AK5: variants seen among roughly 807,000 people sequenced by gnomAD.
AK5 encodes the protein adenylate kinase isoenzyme 5.
AK5 carries 27 observed loss-of-function variants against 69.5 expected under a neutral mutation model. The observed-to-expected ratio is 0.39, with a 90% CI of 0.29 to 0.54. The LOEUF is 0.54. Among genes scored for constraint, AK5 ranks in the 20% least tolerant of loss-of-function variants. AK5 has a pLI of 0.71. For synonymous variants in AK5, 260 were observed against 244.4 expected, an observed-to-expected ratio of 1.06 and a Z score of -0.60; for missense variants, 531 against 700.4, an observed-to-expected ratio of 0.76 and a Z score of 2.73.
chr1:77,447,544 C>T (rs1206549603), intron 8 of AK5, among the ~76,000 whole-genome samples: 1 of 150,992 alleles, frequency 6.6e-6, no homozygotes, highest in East Asian at 2.1e-4. Context: ...TCAGTAGAGA[C>T]TGTTTTCTTT....
intron 13 of AK5, among the ~76,000 whole-genome samples, chr1:77,546,056 G>A (rs1036336832): frequency 3.3e-5 from 5 of 152,076 alleles, no homozygotes; most frequent in Non-Finnish European, 7.4e-5. Flanking sequence ...CCAGATTCCC[G>A]CAAAGACGTT....
At chr1:77,440,145 C>T (rs1053417094) in intron 8 of AK5, among the ~76,000 whole-genome samples, 2 of 152,060 alleles carry the variant, frequency 1.3e-5, no homozygotes, top group Non-Finnish European at 2.9e-5. Flanking sequence ...CTCCCTTGAG[C>T]ATTTCTTGTG....
At chr1:77,515,337 G>C (rs1347471410) in intron 10 of AK5, among the ~76,000 whole-genome samples, 1 of 152,186 alleles carries the variant, frequency 6.6e-6, no homozygotes, top group Non-Finnish European at 1.5e-5. Flanking sequence ...AACAACTAAT[G>C]TTGTCCCTTA....
intron 6 of AK5, among the ~76,000 whole-genome samples, chr1:77,348,406 C>T (rs1662018884): frequency 6.6e-6 from 1 of 152,134 alleles, no homozygotes. Context: ...CTACAAAGGA[C>T]ATGAACTCAT....
intron 12 of AK5, among the ~76,000 whole-genome samples, chr1:77,525,668 A>T (rs1360614702): frequency 6.6e-6 from 1 of 152,226 alleles, no homozygotes; most frequent in Non-Finnish European, 1.5e-5. Flanking sequence ...AACTGGCCCC[A>T]CTTCCAACAC....
intron 13 of AK5, among the ~76,000 whole-genome samples, chr1:77,545,230 CCTT>C (rs1659479441): frequency 1.3e-5 from 2 of 152,114 alleles, no homozygotes; most frequent in Non-Finnish European, 2.9e-5. Flanking sequence ...TTTTCCTCCT[CCTT>C]CTGTTCTCTT....
intron 10 of AK5, among the ~76,000 whole-genome samples, chr1:77,515,998 A>G (rs1200339809): frequency 1.3e-5 from 2 of 152,172 alleles, no homozygotes; most frequent in African/African-American, 4.8e-5. Flanking sequence ...GGGAGTTTTG[A>G]GTTCAAGGAT....
At chr1:77,368,239 A>ATATATATATATATATATATGT (rs1647041240) in intron 6 of AK5, among the ~76,000 whole-genome samples, 1 of 16,208 alleles carries the variant, frequency 6.2e-5, no homozygotes, top group African/African-American at 2.0e-4. Flanking sequence ...ATATATATAT[A>ATATATATATATATATATATGT]TATATATATA....
chr1:77,555,049 G>A (rs1197434381), intron 13 of AK5, among the ~76,000 whole-genome samples: 1 of 152,156 alleles, frequency 6.6e-6, no homozygotes, highest in Non-Finnish European at 1.5e-5. Context: ...GGGAGGCTGA[G>A]GTAGGCAGAT....
intron 8 of AK5, among the ~76,000 whole-genome samples, chr1:77,423,377 G>C (rs1650983327): frequency 6.6e-6 from 1 of 151,938 alleles, no homozygotes; most frequent in South Asian, 2.1e-4. Flanking sequence ...AGCTGACAGA[G>C]GCCACCTCTT....
Position 77,367,579 on chromosome 1 carries a change from A to ATATGATAT in AK5, c.891+27011_891+27012insTATGATAT, listed in dbSNP as rs71075732. Among the ~76,000 whole-genome samples, 11 of 53,364 alleles carry ATATGATAT rather than the reference A, an allele frequency of 2.1e-4. 1 individual carries two copies. The highest frequency in any genetic ancestry group is 1.2e-3 in the African/African-American group (11 of 9,408). The allele number at this position is 53,364 out of a possible 152,430, so 35.0% of individuals were successfully genotyped here. On this transcript the variant is annotated intron_variant, in intron 6 of 13. Transcript: ENST00000354567. The stretch of plus-strand genomic sequence containing the variant: ...TTTTTATATATATATATATATATAT[A>ATATGATAT]ATATATATGTTATATATGTAATATA...
At chr1:77,463,155 G>T (rs1336791334) in intron 8 of AK5, among the ~76,000 whole-genome samples, 1 of 152,092 alleles carries the variant, frequency 6.6e-6, no homozygotes, top group Non-Finnish European at 1.5e-5. Context: ...TTTAAGAAGG[G>T]CCCAATAACA....
chr1:77,311,180 C>T (rs1021378166), intron 5 of AK5, among the ~76,000 whole-genome samples: 2 of 152,108 alleles, frequency 1.3e-5, no homozygotes, highest in African/African-American at 4.8e-5. Flanking sequence ...AGGACCCTCA[C>T]ACCTGCCTGC....
rs962222794 is a variant in AK5, at chr1:77,307,625, G to A, written c.699+9678G>A. ...TGTAAATATCTATTAGATACATTTG[G>A]TCCATAGGTGCAGATTAAGTATGAA... On this transcript the variant is annotated intron_variant, in intron 5 of 13. Coordinates refer to ENST00000354567, the MANE Select transcript of AK5 (RefSeq NM_174858.3). Among the ~76,000 whole-genome samples, 56 of 152,236 alleles carry A rather than the reference G, an allele frequency of 3.7e-4. 1 individual carries two copies. Among genetic ancestry groups the A allele is most frequent in the African/African-American group, 1.3e-3 (53 of 41,550 alleles).
intron 8 of AK5, among the ~76,000 whole-genome samples, chr1:77,447,721 G>A (rs187559589): frequency 1.3e-5 from 2 of 152,300 alleles, no homozygotes; most frequent in Non-Finnish European, 2.9e-5. Flanking sequence ...AAAGGAATTA[G>A]AACTCAGGTG....
intron 6 of AK5, among the ~76,000 whole-genome samples, chr1:77,388,570 G>GTTT (rs779777353): frequency 1.3e-5 from 1 of 74,676 alleles, no homozygotes; most frequent in Non-Finnish European, 2.6e-5. Context: ...TGGTTGTTTT[G>GTTT]TTGTTGTTGT....
chr1:77,424,632 C>A (rs1428980873), intron 8 of AK5, among the ~76,000 whole-genome samples: 1 of 152,078 alleles, frequency 6.6e-6, no homozygotes, highest in Non-Finnish European at 1.5e-5. Context: ...GTGAAGAATG[C>A]CTTTGATGGG....
intron 13 of AK5, among the ~76,000 whole-genome samples, chr1:77,547,847 T>C (rs1659618107): frequency 6.6e-6 from 1 of 152,216 alleles, no homozygotes. Flanking sequence ...TCCTTTCTTG[T>C]GCTAGTCAGA....
intron 6 of AK5, among the ~76,000 whole-genome samples, chr1:77,367,753 T>C (rs1285076834): frequency 4.1e-5 from 1 of 24,400 alleles, no homozygotes; most frequent in Non-Finnish European, 8.5e-5. Flanking sequence ...ATGTTATATA[T>C]GTTATATATA....
Sources: allele counts gnomAD v4.1 joint callset (sites outside exome capture counted in the v4.1 genomes callset), GRCh38; gene constraint gnomAD v4.1.1; transcripts MANE v1.5; gene names NCBI Gene and HGNC (gene_info 2026-07-23, HGNC 2026-07-21).